The following MRPS31 variants were observed in gnomAD, a reference collection of about 807,000 sequenced individuals.
The protein encoded by MRPS31 is mitochondrial ribosomal protein S31.
In MRPS31, 32 loss-of-function variants were observed where a neutral mutation model predicts 43.1. The ratio of observed to expected loss-of-function variants is 0.74; its 90% CI spans 0.56 to 1.00. The LOEUF (loss-of-function observed/expected upper bound fraction) is 1.00. MRPS31 is among the 50% of genes least tolerant of loss of function. The pLI is 0.00. For synonymous variants in MRPS31, 165 were observed against 161.6 expected, an observed-to-expected ratio of 1.02 and a Z score of -0.16; for missense variants, 437 against 466.7, an observed-to-expected ratio of 0.94 and a Z score of 0.59.
intron 6 of MRPS31, among the ~76,000 whole-genome samples, chr13:40,737,294 G>A (rs1205001188): frequency 6.6e-6 from 1 of 152,042 alleles, no homozygotes; most frequent in Non-Finnish European, 1.5e-5. Flanking sequence ...AGTCCTGAGT[G>A]ACCTACAAAG....
chr13:40,763,415 C>A (rs1054606552), intron 2 of MRPS31, among the ~76,000 whole-genome samples: 2 of 152,156 alleles, frequency 1.3e-5, no homozygotes, highest in Non-Finnish European at 2.9e-5. Flanking sequence ...CATGCAGTTT[C>A]CAGGGTCCCT....
intron 6 of MRPS31, among the ~76,000 whole-genome samples, chr13:40,734,937 G>A (rs541446452): frequency 3.3e-5 from 5 of 152,294 alleles, no homozygotes; most frequent in South Asian, 4.1e-4. Flanking sequence ...GAGCCAAGAT[G>A]GCCGAATAGC....
chr13:40,740,093 G>T (rs1880038911), intron 6 of MRPS31, among the ~76,000 whole-genome samples: 2 of 150,484 alleles, frequency 1.3e-5, no homozygotes, highest in African/African-American at 4.9e-5. Flanking sequence ...AAATTTACAA[G>T]AAAAAAACAA....
intron 2 of MRPS31, among the ~76,000 whole-genome samples, chr13:40,765,068 AGAGG>A (rs1452108525): frequency 6.6e-6 from 1 of 152,216 alleles, no homozygotes; most frequent in Non-Finnish European, 1.5e-5. Flanking sequence ...TCCTTGAAAA[AGAGG>A]GAGGGGAGGA....
At chr13:40,732,563 A>G (rs1488481725) in intron 6 of MRPS31, among the ~76,000 whole-genome samples, 1 of 152,090 alleles carries the variant, frequency 6.6e-6, no homozygotes. Context: ...GTGAGACCCC[A>G]TCTCTACAAA....
chr13:40,752,422 G>A (rs1422750920), intron 5 of MRPS31: 3 of 152,184 alleles, frequency 2.0e-5, no homozygotes, highest in African/African-American at 7.2e-5. Flanking sequence ...ATACACAAGA[G>A]AATGCAGTTT....
intron 6 of MRPS31, among the ~76,000 whole-genome samples, chr13:40,741,074 G>C (rs890189249): frequency 6.6e-6 from 1 of 151,502 alleles, no homozygotes; most frequent in Non-Finnish European, 1.5e-5. Context: ...ACATTGGAAG[G>C]ATGAGGAGAA....
At chr13:40,746,639 T>C (rs1414864293) in intron 6 of MRPS31, among the ~76,000 whole-genome samples, 1 of 152,204 alleles carries the variant, frequency 6.6e-6, no homozygotes, top group Admixed American at 6.5e-5. Flanking sequence ...ACTTAAGTGT[T>C]TGACTGCTGA....
At chr13:40,757,645 T>G (rs1880568132) in intron 3 of MRPS31, among the ~76,000 whole-genome samples, 1 of 151,238 alleles carries the variant, frequency 6.6e-6, no homozygotes, top group Non-Finnish European at 1.5e-5. Flanking sequence ...AGGGTTTCAC[T>G]GTGTTAGCCA....
chr13:40,744,743 T>C (rs940990324), intron 6 of MRPS31, among the ~76,000 whole-genome samples: 4 of 152,060 alleles, frequency 2.6e-5, no homozygotes, highest in African/African-American at 9.7e-5. Context: ...GCCTCCTGAG[T>C]AGCTGGGATT....
chr13:40,735,287 C>T (rs184158904), intron 6 of MRPS31, among the ~76,000 whole-genome samples: 1,918 of 152,314 alleles, frequency 0.013, 53 homozygotes, highest in African/African-American at 0.043. Flanking sequence ...CCTACGCCCA[C>T]GGAGTCTCGC....
At chr13:40,746,363 T>C (rs1880239417) in intron 6 of MRPS31, among the ~76,000 whole-genome samples, 1 of 152,194 alleles carries the variant, frequency 6.6e-6, no homozygotes, top group African/African-American at 2.4e-5. Context: ...AGGGCAGCGA[T>C]CAAAGTAAGA....
intron 3 of MRPS31, among the ~76,000 whole-genome samples, chr13:40,758,142 C>CAAA (rs559446482): frequency 1.2e-5 from 1 of 83,380 alleles, no homozygotes; most frequent in African/African-American, 4.1e-5. Context: ...GACTCCGTCT[C>CAAA]AAAAAAAAAA....
At chr13:40,743,569 G>A (rs1480007671) in intron 6 of MRPS31, among the ~76,000 whole-genome samples, 2 of 152,066 alleles carry the variant, frequency 1.3e-5, no homozygotes, top group Non-Finnish European at 2.9e-5. Flanking sequence ...CTCAAAAGAA[G>A]ACATACACAT....
At chr13:40,737,575 C>G (rs1413971584) in intron 6 of MRPS31, among the ~76,000 whole-genome samples, 1 of 152,144 alleles carries the variant, frequency 6.6e-6, no homozygotes, top group African/African-American at 2.4e-5. Context: ...GACATTATAA[C>G]AAACTATCTA....
chr13:40,765,119 C>T (rs193235662), intron 2 of MRPS31, among the ~76,000 whole-genome samples: 2 of 152,282 alleles, frequency 1.3e-5, no homozygotes, highest in East Asian at 3.9e-4. Flanking sequence ...AAACTCAAAA[C>T]AAATGTACCT....
intron 1 of MRPS31, among the ~76,000 whole-genome samples, chr13:40,770,538 C>T (rs1286831517): frequency 2.6e-5 from 4 of 152,206 alleles, no homozygotes; most frequent in Admixed American, 6.5e-5. Context: ...ACTATCTCAG[C>T]TATTACTTCA....
chr13:40,761,921 G>GA (rs58767091), intron 2 of MRPS31, among the ~76,000 whole-genome samples: 5,032 of 91,250 alleles, frequency 0.055, 205 homozygotes, highest in East Asian at 0.24. Flanking sequence ...AAAATAAACA[G>GA]AAAAAAAAAA....
intron 6 of MRPS31, among the ~76,000 whole-genome samples, chr13:40,748,887 T>G (rs1163635711): frequency 6.6e-6 from 1 of 152,246 alleles, no homozygotes; most frequent in African/African-American, 2.4e-5. Flanking sequence ...TCAGTCCTTT[T>G]ACGTCATAGA....
Sources: allele counts gnomAD v4.1 joint callset (sites outside exome capture counted in the v4.1 genomes callset), GRCh38; gene constraint gnomAD v4.1.1; transcripts MANE v1.5; gene names NCBI Gene and HGNC (gene_info 2026-07-23, HGNC 2026-07-21).